The following REC114 variants were observed in gnomAD, a reference collection of about 807,000 sequenced individuals.
REC114 encodes the protein meiotic recombination protein REC114.
A neutral mutation model predicts 31.3 loss-of-function variants in REC114; 27 were observed. The observed-to-expected ratio is 0.86, with a 90% confidence interval of 0.64 to 1.19. The LOEUF is 1.19. Among genes scored for constraint, REC114 ranks in the 50% most tolerant of loss-of-function variants. The pLI, the probability that REC114 is intolerant of heterozygous loss-of-function variation, is 0.00. For missense variants in REC114, 344 were observed against 326.9 expected (o/e 1.05, Z -0.40); for synonymous variants, 134 against 127.7 (o/e 1.05, Z -0.33).
intron 3 of REC114, among the ~76,000 whole-genome samples, chr15:73,543,207 CTCT>C (rs768796608): frequency 2.6e-5 from 4 of 152,112 alleles, no homozygotes; most frequent in Non-Finnish European, 4.4e-5. Flanking sequence ...CCTAGTTTTT[CTCT>C]TCTTCAAACT....
chr15:73,510,845 C>T (rs1893753828), intron 2 of REC114, among the ~76,000 whole-genome samples: 1 of 151,806 alleles, frequency 6.6e-6, no homozygotes, highest in African/African-American at 2.4e-5. Flanking sequence ...TTCGTTTTGC[C>T]AGTATTTTAT....
intron 2 of REC114, chr15:73,483,534 T>C (rs1389439091): frequency 6.5e-6 from 1 of 152,708 alleles, no homozygotes; most frequent in Non-Finnish European, 1.5e-5. Context: ...GTTTCTGCTG[T>C]GTTCTTCATA....
chr15:73,542,590 A>G (rs1438663118), intron 3 of REC114, among the ~76,000 whole-genome samples: 1 of 152,160 alleles, frequency 6.6e-6, no homozygotes, highest in Non-Finnish European at 1.5e-5. Context: ...ATGCCTGCTT[A>G]TGTGTCATGG....
intron 1 of REC114, among the ~76,000 whole-genome samples, chr15:73,456,591 T>A (rs888299067): frequency 1.3e-5 from 2 of 152,184 alleles, no homozygotes; most frequent in Non-Finnish European, 2.9e-5. Flanking sequence ...GTGTGGTAAT[T>A]TTCCTTATGA....
At chr15:73,477,012 C>A (rs1018486204) in intron 2 of REC114, among the ~76,000 whole-genome samples, 4 of 152,204 alleles carry the variant, frequency 2.6e-5, no homozygotes, top group African/African-American at 9.6e-5. Context: ...GTTCCACATC[C>A]TCACCAACAC....
chr15:73,515,033 G>T (rs1363739959), intron 2 of REC114, among the ~76,000 whole-genome samples: 1 of 150,086 alleles, frequency 6.7e-6, no homozygotes, highest in Non-Finnish European at 1.5e-5. Flanking sequence ...TCAACCTCCT[G>T]TACTCAAGTG....
intron 1 of REC114, among the ~76,000 whole-genome samples, chr15:73,465,405 TCTC>T (rs953844263): frequency 3.9e-5 from 6 of 152,274 alleles, no homozygotes; most frequent in African/African-American, 1.2e-4. Flanking sequence ...AGCCTGGAAT[TCTC>T]CTCCCCCAGC....
At chr15:73,492,278 C>T (rs891045107) in intron 2 of REC114, among the ~76,000 whole-genome samples, 4 of 152,106 alleles carry the variant, frequency 2.6e-5, no homozygotes, top group African/African-American at 9.7e-5. Flanking sequence ...TCCTGTCTGC[C>T]TTCTTTTGCT....
At chr15:73,558,466 T>C (rs1361919489) in intron 5 of REC114, among the ~76,000 whole-genome samples, 2 of 152,152 alleles carry the variant, frequency 1.3e-5, no homozygotes, top group African/African-American at 4.8e-5. Context: ...TCTCCTAATA[T>C]TTAAACGTTG....
chr15:73,450,852 C>T (rs1234637330), intron 1 of REC114, among the ~76,000 whole-genome samples: 2 of 152,202 alleles, frequency 1.3e-5, no homozygotes, highest in African/African-American at 4.8e-5. Context: ...CGCACAACTA[C>T]ATGGAAACTG....
intron 1 of REC114, among the ~76,000 whole-genome samples, chr15:73,459,226 CT>C (rs1203119444): frequency 4.0e-5 from 6 of 149,646 alleles, no homozygotes; most frequent in Admixed American, 4.0e-4. Flanking sequence ...TATACTTTTT[CT>C]TTTTTCTTTT....
At chr15:73,474,030 G>T in intron 2 of REC114, 109 bp downstream of exon 2, 1 of 716,536 alleles carries the variant, frequency 1.4e-6, no homozygotes, top group Non-Finnish European at 2.4e-6. Flanking sequence ...ATTCATCAAG[G>T]TCAACACATT....
chr15:73,514,826 G>A (rs1893835400), intron 2 of REC114, among the ~76,000 whole-genome samples: 1 of 151,932 alleles, frequency 6.6e-6, no homozygotes, highest in African/African-American at 2.4e-5. Flanking sequence ...GGAGAAAACA[G>A]GAAGGTATAT....
At chr15:73,548,328 C>T (rs1401570550) in intron 3 of REC114, among the ~76,000 whole-genome samples, 5 of 152,168 alleles carry the variant, frequency 3.3e-5, no homozygotes, top group South Asian at 2.1e-4. Context: ...AGGATGGCCT[C>T]GATCTCTTGA....
intron 2 of REC114, among the ~76,000 whole-genome samples, chr15:73,529,748 T>C (rs1337797691): frequency 6.6e-6 from 1 of 152,212 alleles, no homozygotes; most frequent in East Asian, 1.9e-4. Flanking sequence ...TTTTCTGTGC[T>C]TCTGTAGAAT....
At chr15:73,460,895 G>A (rs985988016) in intron 1 of REC114, among the ~76,000 whole-genome samples, 16 of 152,098 alleles carry the variant, frequency 1.1e-4, no homozygotes, top group African/African-American at 3.6e-4. Context: ...CTGTTACATG[G>A]AAAGTGTTTT....
At chr15:73,537,980 C>T (rs999963557) in intron 2 of REC114, among the ~76,000 whole-genome samples, 1 of 152,034 alleles carries the variant, frequency 6.6e-6, no homozygotes, top group Non-Finnish European at 1.5e-5. Context: ...GCTTTTTTGC[C>T]TAACAATACG....
chr15:73,501,343 T>C (rs1893601799), intron 2 of REC114, among the ~76,000 whole-genome samples: 1 of 152,232 alleles, frequency 6.6e-6, no homozygotes, highest in Non-Finnish European at 1.5e-5. Context: ...TTGTCATTCT[T>C]CTTCTATTGA....
chr15:73,492,123 A>T (rs1441791603), intron 2 of REC114, among the ~76,000 whole-genome samples: 2 of 152,142 alleles, frequency 1.3e-5, no homozygotes, highest in African/African-American at 2.4e-5. Context: ...GAAACAGAAC[A>T]TTTTCAGTAT....
Sources: gnomAD v4.1 joint callset for allele counts (sites outside exome capture counted in the v4.1 genomes callset) on GRCh38, gnomAD v4.1.1 for gene constraint, MANE v1.5 for transcripts, NCBI Gene and HGNC (gene_info 2026-07-23, HGNC 2026-07-21) for gene names.